Variants in CCDC88A observed in about 807,000 individuals in gnomAD.
The protein encoded by CCDC88A is girdin.
In CCDC88A, 54 loss-of-function variants were observed where a neutral mutation model predicts 234.3. The observed-to-expected ratio is 0.23, with a 90% CI of 0.19 to 0.29. CCDC88A has a LOEUF of 0.29. Among genes scored for constraint, CCDC88A ranks in the 10% least tolerant of loss-of-function variants. The probability of loss-of-function intolerance (pLI) is 1.00; values close to 1 mark genes in which losing one functional copy is unlikely to be tolerated. For synonymous variants in CCDC88A, 753 were observed against 737.8 expected, an observed-to-expected ratio of 1.02 and a Z score of -0.33; for missense variants, 1,832 against 2,123.4, an observed-to-expected ratio of 0.86 and a Z score of 2.70.
chr2:55,398,610 C>T (rs1334838377), intron 2 of CCDC88A, among the ~76,000 whole-genome samples: 2 of 152,010 alleles, frequency 1.3e-5, no homozygotes, highest in African/African-American at 4.8e-5. Context: ...GTGAAACTAC[C>T]AGAAAAGTCC....
chr2:55,377,767 G>A (rs1343483032), intron 3 of CCDC88A, among the ~76,000 whole-genome samples: 1 of 151,846 alleles, frequency 6.6e-6, no homozygotes, highest in African/African-American at 2.4e-5. Flanking sequence ...ACGCCACCAT[G>A]CCTGGCTAAT....
intron 2 of CCDC88A, among the ~76,000 whole-genome samples, chr2:55,415,018 G>A (rs1223667262): frequency 6.9e-6 from 1 of 145,700 alleles, no homozygotes; most frequent in Non-Finnish European, 1.5e-5. Context: ...AGTGAGTTGA[G>A]ATCACACCAC....
chr2:55,302,972 A>G, intron 26 of CCDC88A, 97 bp downstream of exon 26: 1 of 830,844 alleles, frequency 1.2e-6, no homozygotes, highest in Non-Finnish European at 2.0e-6. Flanking sequence ...TCTGCAAAAT[A>G]AGGAAATTGG....
rs1681987077 is a variant in CCDC88A, at chr2:55,419,589, C to G, written c.-510G>C. On this transcript the variant is annotated 5_prime_UTR_variant, in exon 1 of 33. Coordinates refer to ENST00000436346, the MANE Select transcript of CCDC88A (RefSeq NM_001365480.1). Reference sequence around the variant, plus strand: ...CCACCGATGGGCATGGAGCCGCTTTCGACCCGCGGAGCCTCCACTGCCCGC... The same window carrying G: ...CCACCGATGGGCATGGAGCCGCTTTGGACCCGCGGAGCCTCCACTGCCCGC... 1 of 154,324 alleles carries G rather than the reference C, an allele frequency of 6.5e-6. No homozygotes were observed. The highest frequency in any genetic ancestry group is 1.4e-5 in the Non-Finnish European group (1 of 69,532). The allele number at this position is 154,324 out of a possible 1,614,324, so 9.6% of individuals were successfully genotyped here. A position where few individuals can be genotyped will look rare whatever the true frequency, so the allele number is the denominator to read the frequency against.
In CCDC88A at chr2:55,396,652, C is replaced by G. The variant is rs779401221; in HGVS notation, c.165-7766G>C. On this transcript the variant is annotated intron_variant, in intron 2 of 32. Transcript: ENST00000436346. ...TTGGGAGGCTGAGGCGGGCAGATCA[C>G]GAGGTCTGGAGATCGAGACCATCCT... Among the ~76,000 whole-genome samples, 4 of 152,034 alleles carry G rather than the reference C, an allele frequency of 2.6e-5. 1 individual carries two copies. Among genetic ancestry groups the G allele is most frequent in the Admixed American group, 6.5e-5 (1 of 15,270 alleles).
chr2:55,413,916 C>T (rs1268337505), intron 2 of CCDC88A, among the ~76,000 whole-genome samples: 2 of 151,632 alleles, frequency 1.3e-5, no homozygotes, highest in Admixed American at 6.6e-5. Flanking sequence ...CATGCCCCTG[C>T]ACTCCAGCCC....
chr2:55,338,963 T>TA (rs1437809047), intron 13 of CCDC88A: 5 of 152,186 alleles, frequency 3.3e-5, no homozygotes, highest in Non-Finnish European at 5.9e-5. Context: ...TATTCTTTTT[T>TA]TTTTTTTTTG....
At position 55,336,786 on chromosome 2, in the gene CCDC88A, T is replaced by C; in HGVS notation, c.1551A>G (p.Glu517=). ...TCTGACAATTCTGAAGACTTTGCTT[T>C]TCTTGAACAATCTCATTTTCAAGAA... ...VEILENEIVQ[E]KQSLQNCQNL... The change falls in exon 14 of 33, where the codon GAA becomes GAG. Residue 517 remains glutamate, a synonymous_variant. Coordinates refer to ENST00000436346, the MANE Select transcript of CCDC88A (RefSeq NM_001365480.1). 6.3e-7 allele frequency: 1 copy of C among 1,590,268 alleles called. No homozygotes were observed. The highest frequency in any genetic ancestry group is 8.6e-7 in the Non-Finnish European group (1 of 1,164,274).
Position 55,317,246 on chromosome 2 carries a change from C to T in CCDC88A, c.3706G>A (p.Val1236Ile). Reference protein sequence around the residue: ...MLLENKNHETVAAEYKKLCGE... With the variant: ...MLLENKNHETIAAEYKKLCGE... The stretch of plus-strand genomic sequence containing the variant: ...CAAAGTTTCTTGTATTCTGCAGCTA[C>T]TGTTTCATGATTTTTATTTTCAAGC... The change falls in exon 21 of 33, where the codon GTA (valine) becomes ATA (isoleucine). Residue 1236 changes from valine (V) to isoleucine (I), a missense_variant. Physicochemically the swap from Val to Ile is conservative, Grantham distance 29. This residue lies in a region of CCDC88A where 1,282 missense variants were observed against 1,543.6 expected (regional missense o/e 0.83). Coordinates refer to ENST00000436346, the MANE Select transcript of CCDC88A (RefSeq NM_001365480.1). This position sits in a 1 kb window ranked among gnomAD's most constrained non-coding sequence, Gnocchi z 4.2. The T allele has an allele frequency of 1.3e-6, 2 of 1,548,686 alleles. No individual in the cohort carries two copies. The highest frequency in any genetic ancestry group is 1.7e-6 in the Non-Finnish European group (2 of 1,143,510).
At chr2:55,386,308 A>G (rs1022076992) in intron 3 of CCDC88A, among the ~76,000 whole-genome samples, 43 of 152,168 alleles carry the variant, frequency 2.8e-4, no homozygotes, top group African/African-American at 8.9e-4. Flanking sequence ...TGCATACTTA[A>G]AAGTATTTCA....
intron 5 of CCDC88A, among the ~76,000 whole-genome samples, chr2:55,369,236 T>C (rs888089176): frequency 3.3e-5 from 5 of 152,108 alleles, no homozygotes; most frequent in African/African-American, 1.2e-4. Context: ...GGTTTCACTA[T>C]GTCAGCCAGG....
At chr2:55,346,740 C>A (rs957554343) in intron 9 of CCDC88A, among the ~76,000 whole-genome samples, 2 of 151,672 alleles carry the variant, frequency 1.3e-5, no homozygotes, top group African/African-American at 2.4e-5. Flanking sequence ...CTTTAAAAAT[C>A]AAAAAAGTAC....
intron 12 of CCDC88A, chr2:55,340,091 T>A (rs2104707295): frequency 6.5e-6 from 1 of 153,108 alleles, no homozygotes; most frequent in African/African-American, 2.4e-5. Flanking sequence ...AGTGCTGGGA[T>A]TACAGGCATG....
intron 3 of CCDC88A, among the ~76,000 whole-genome samples, chr2:55,387,560 T>A (rs1476067737): frequency 6.6e-6 from 1 of 151,894 alleles, no homozygotes; most frequent in Admixed American, 6.6e-5. Context: ...GGGGGGCAGA[T>A]CACTTGCGGT....
At position 55,388,816 on chromosome 2, in the gene CCDC88A, G is replaced by C; in HGVS notation, c.235C>G (p.Leu79Val). Residue 79 changes from leucine to valine, a missense_variant, in exon 3 of 33, where the codon CTA (leucine) becomes GTA (valine). Coordinates refer to ENST00000436346, the MANE Select transcript of CCDC88A (RefSeq NM_001365480.1). ...NNDASLRMHN[L>V]SILVRQIKFY... is the part of the protein sequence containing the mutation. ...TTTATCTGTCTCACCAAAATGGATAGATTGTGCATTCTAAGTGAGGCATCA... is the reference window on the plus strand; with the variant it reads ...TTTATCTGTCTCACCAAAATGGATACATTGTGCATTCTAAGTGAGGCATCA... 1.3e-6 allele frequency: 2 copies of C among 1,532,894 alleles called. No homozygotes were observed. Among genetic ancestry groups the C allele is most frequent in the South Asian group, 2.4e-5 (2 of 83,736 alleles). 95.0% of individuals were successfully genotyped at this position (1,532,894 alleles called of 1,614,324 possible).
At chr2:55,413,326 G>C (rs961645636) in intron 2 of CCDC88A, among the ~76,000 whole-genome samples, 1 of 152,122 alleles carries the variant, frequency 6.6e-6, no homozygotes, top group African/African-American at 2.4e-5. Flanking sequence ...ACCAGCACTG[G>C]GGATATAGTG....
intron 12 of CCDC88A, among the ~76,000 whole-genome samples, chr2:55,341,238 C>T (rs570646497): frequency 8.2e-5 from 12 of 146,604 alleles, no homozygotes; most frequent in East Asian, 6.1e-4. Context: ...CTCTGCCTCT[C>T]GGGTTCAAGC....
At chr2:55,395,013 T>G (rs145422502) in intron 2 of CCDC88A, among the ~76,000 whole-genome samples, 1 of 151,976 alleles carries the variant, frequency 6.6e-6, no homozygotes, top group Non-Finnish European at 1.5e-5. Flanking sequence ...ACCTGGCTGA[T>G]TTTTGTATTT....
chr2:55,398,984 A>G (rs1023708873), intron 2 of CCDC88A, among the ~76,000 whole-genome samples: 4 of 152,214 alleles, frequency 2.6e-5, no homozygotes, highest in Non-Finnish European at 5.9e-5. Context: ...CTTCGGAAAA[A>G]TAATACCTGG....
Sources: gnomAD v4.1 joint callset for allele counts (sites outside exome capture counted in the v4.1 genomes callset) on GRCh38, gnomAD v4.1.1 for gene constraint, gnomAD v4.1.1 regional missense constraint, Gnocchi (gnomAD v3.1) non-coding constraint, MANE v1.5 for transcripts, NCBI Gene and HGNC (gene_info 2026-07-23, HGNC 2026-07-21) for gene names.